MCU: variants seen among roughly 807,000 people sequenced by gnomAD.
The protein encoded by MCU is mitochondrial calcium uniporter.
A neutral mutation model predicts 45.2 loss-of-function variants in MCU; 12 were observed. That is an observed-to-expected ratio of 0.27 (90% CI 0.17 to 0.43). MCU has a LOEUF of 0.43. Ranked by LOEUF, MCU falls within the 20% of genes least tolerant of loss-of-function variation. The pLI, the probability that MCU is intolerant of heterozygous loss-of-function variation, is 1.00. For missense variants in MCU, 324 were observed against 436.7 expected, an observed-to-expected ratio of 0.74 and a Z score of 2.30; for synonymous variants, 160 against 165.1, an observed-to-expected ratio of 0.97 and a Z score of 0.24.
chr10:72,809,142 A>G (rs1426376259), intron 1 of MCU, among the ~76,000 whole-genome samples: 1 of 152,234 alleles, frequency 6.6e-6, no homozygotes, highest in Non-Finnish European at 1.5e-5. Flanking sequence ...TTGTAGTAGT[A>G]GTAACAATAA....
rs903588905 is a variant in MCU at position 72,738,817 on chromosome 10, G to A, written c.150+46516G>A. On this transcript the variant is annotated intron_variant, in intron 1 of 7. Transcript: ENST00000373053. ...TTTCTCCTTTCCTTTTTACAACGGA[G>A]CCTTTTGCTGTGCTAGATTCCTGAG... Among the ~76,000 whole-genome samples, 3 of 152,294 alleles carry A rather than the reference G, an allele frequency of 2.0e-5. No homozygotes were observed. In the South Asian group the frequency reaches 6.2e-4, roughly 32 times the overall value.
At chr10:72,738,753 C>A (rs1377508104) in intron 1 of MCU, among the ~76,000 whole-genome samples, 1 of 152,186 alleles carries the variant, frequency 6.6e-6, no homozygotes, top group Non-Finnish European at 1.5e-5. Context: ...ATTGAAAGCC[C>A]TTGATGGTTG....
chr10:72,701,860 C>T (rs1842762470), intron 1 of MCU, among the ~76,000 whole-genome samples: 1 of 151,858 alleles, frequency 6.6e-6, no homozygotes, highest in Non-Finnish European at 1.5e-5. Context: ...AAATTTCTTT[C>T]CTCACCCTCC....
intron 6 of MCU, among the ~76,000 whole-genome samples, chr10:72,878,163 G>C (rs538132122): frequency 1.5e-4 from 20 of 131,442 alleles, no homozygotes; most frequent in Middle Eastern, 5.4e-3. Context: ...CTGTTGCCCA[G>C]GTTGGAGTAC....
chr10:72,730,316 T>C (rs998839707), intron 1 of MCU, among the ~76,000 whole-genome samples: 2 of 147,794 alleles, frequency 1.4e-5, no homozygotes, highest in Admixed American at 1.3e-4. Context: ...TCTTTTTTTT[T>C]TTTTTTTTTT....
chr10:72,787,733 T>G (rs1452184671), intron 1 of MCU, among the ~76,000 whole-genome samples: 3 of 152,010 alleles, frequency 2.0e-5, no homozygotes, highest in African/African-American at 7.2e-5. Context: ...TTTGTTTTTT[T>G]TTTGAGACAG....
intron 2 of MCU, among the ~76,000 whole-genome samples, chr10:72,852,044 G>A (rs760921378): frequency 3.3e-5 from 5 of 152,030 alleles, no homozygotes; most frequent in Non-Finnish European, 5.9e-5. Context: ...ATTCTATCTC[G>A]TATTTCAATT....
intron 1 of MCU, among the ~76,000 whole-genome samples, chr10:72,831,030 A>G (rs1844870640): frequency 6.6e-6 from 1 of 152,208 alleles, no homozygotes; most frequent in Non-Finnish European, 1.5e-5. Flanking sequence ...CAGCCAACCA[A>G]GAAATGAAAG....
chr10:72,764,250 A>C (rs1176339768), intron 1 of MCU, among the ~76,000 whole-genome samples: 1 of 152,216 alleles, frequency 6.6e-6, no homozygotes, highest in East Asian at 1.9e-4. Flanking sequence ...TGATTGAGCC[A>C]GTTTCTGGCT....
intron 1 of MCU, among the ~76,000 whole-genome samples, chr10:72,770,255 C>T (rs1843785519): frequency 6.6e-6 from 1 of 152,074 alleles, no homozygotes; most frequent in Admixed American, 6.5e-5. Flanking sequence ...TTTTCCCTCA[C>T]TGCTTTCTTT....
At chr10:72,787,853 G>A (rs1589459948) in intron 1 of MCU, among the ~76,000 whole-genome samples, 1 of 151,260 alleles carries the variant, frequency 6.6e-6, no homozygotes, top group African/African-American at 2.4e-5. Flanking sequence ...TAAGTAGCTG[G>A]GATTACAGGT....
intron 1 of MCU, among the ~76,000 whole-genome samples, chr10:72,707,647 G>GTA (rs71021526): frequency 0.048 from 6,988 of 146,912 alleles, 406 homozygotes; most frequent in African/African-American, 0.11. Flanking sequence ...GTGTGTGTGT[G>GTA]TTTCCCACCA....
At chr10:72,704,874 C>T (rs1842800692) in intron 1 of MCU, among the ~76,000 whole-genome samples, 1 of 151,980 alleles carries the variant, frequency 6.6e-6, no homozygotes, top group Non-Finnish European at 1.5e-5. Flanking sequence ...GGATGTGCCA[C>T]CATGCCCAGC....
intron 6 of MCU, among the ~76,000 whole-genome samples, chr10:72,873,827 A>C (rs1171240741): frequency 1.3e-5 from 2 of 152,134 alleles, no homozygotes; most frequent in South Asian, 4.1e-4. Flanking sequence ...ATGGTTATCT[A>C]GTTTTCCCAG....
chr10:72,822,785 G>C (rs1447407783), intron 1 of MCU, among the ~76,000 whole-genome samples: 1 of 152,046 alleles, frequency 6.6e-6, no homozygotes, highest in Non-Finnish European at 1.5e-5. Flanking sequence ...AAGCTGCAGT[G>C]AGTCTTGACT....
At chr10:72,823,463 T>G (rs911646928) in intron 1 of MCU, among the ~76,000 whole-genome samples, 1 of 152,194 alleles carries the variant, frequency 6.6e-6, no homozygotes, top group Non-Finnish European at 1.5e-5. Context: ...GCTGGAGTCA[T>G]AGACAGAGTG....
At chr10:72,750,838 C>T (rs929517566) in intron 1 of MCU, among the ~76,000 whole-genome samples, 27 of 152,146 alleles carry the variant, frequency 1.8e-4, no homozygotes, top group Admixed American at 9.2e-4. Flanking sequence ...TGTTTCTATA[C>T]TTTTGCCTTT....
intron 1 of MCU, among the ~76,000 whole-genome samples, chr10:72,817,807 G>A (rs920551253): frequency 6.6e-6 from 1 of 152,190 alleles, no homozygotes; most frequent in African/African-American, 2.4e-5. Context: ...TATTAGTAAA[G>A]TAGTAAGTAG....
At chr10:72,765,086 T>TAAA (rs529761895) in intron 1 of MCU, among the ~76,000 whole-genome samples, 1,268 of 123,474 alleles carry the variant, frequency 0.01, 20 homozygotes, top group African/African-American at 0.036. Flanking sequence ...CCCCATCTCT[T>TAAA]AAAAAAAAAA....
Sources: allele counts gnomAD v4.1 joint callset (sites outside exome capture counted in the v4.1 genomes callset), GRCh38; gene constraint gnomAD v4.1.1; transcripts MANE v1.5; gene names NCBI Gene and HGNC (gene_info 2026-07-23, HGNC 2026-07-21).